Variants in TSPEAR observed in about 807,000 individuals in gnomAD.
TSPEAR encodes thrombospondin-type laminin G domain and EAR repeat-containing protein.
In TSPEAR, 69 loss-of-function variants were observed where a neutral mutation model predicts 71.6. That is an observed-to-expected ratio of 0.96 (90% confidence interval 0.79 to 1.18). The LOEUF (loss-of-function observed/expected upper bound fraction) is 1.18, where lower values mean the gene tolerates loss of function less well. Ranked by LOEUF, TSPEAR falls within the 50% of genes most tolerant of loss-of-function variation. The probability of loss-of-function intolerance (pLI) is 0.00; values close to 1 mark genes in which losing one functional copy is unlikely to be tolerated. For missense variants in TSPEAR, 971 were observed against 894.9 expected (o/e 1.09, Z -1.09); for synonymous variants, 402 against 387.2 (o/e 1.04, Z -0.45).
intron 1 of TSPEAR, among the ~76,000 whole-genome samples, chr21:44,661,829 T>C (rs1555943696): frequency 6.6e-6 from 1 of 152,096 alleles, no homozygotes; most frequent in Non-Finnish European, 1.5e-5. Flanking sequence ...ACTCACTCAC[T>C]GTCGCAAGGA....
chr21:44,523,558 AAGTC>A (rs587650669), intron 8 of TSPEAR, among the ~76,000 whole-genome samples: 41 of 151,010 alleles, frequency 2.7e-4, no homozygotes, highest in East Asian at 1.8e-3. Context: ...GTCAGTCAGT[AAGTC>A]AGTCAGTTAG....
chr21:44,652,128 T>C (rs1984840536), intron 1 of TSPEAR, among the ~76,000 whole-genome samples: 1 of 151,948 alleles, frequency 6.6e-6, no homozygotes, highest in Non-Finnish European at 1.5e-5. Context: ...GGAGTACAGG[T>C]GCCTGCCACC....
chr21:44,705,278 G>T (rs751689457), intron 1 of TSPEAR, among the ~76,000 whole-genome samples: 1 of 152,150 alleles, frequency 6.6e-6, no homozygotes, highest in Non-Finnish European at 1.5e-5. Context: ...GTTGAGGAGG[G>T]TGTATATCAT....
At chr21:44,636,797 G>C (rs1983598645) in intron 1 of TSPEAR, among the ~76,000 whole-genome samples, 1 of 152,134 alleles carries the variant, frequency 6.6e-6, no homozygotes, top group Non-Finnish European at 1.5e-5. Flanking sequence ...CCCAAACCTT[G>C]TCCTCCTAAT....
intron 1 of TSPEAR, among the ~76,000 whole-genome samples, chr21:44,683,078 A>G (rs1383518665): frequency 6.6e-6 from 1 of 152,058 alleles, no homozygotes; most frequent in Non-Finnish European, 1.5e-5. Context: ...CCGGCACCAA[A>G]TGAGTAAGGA....
chr21:44,544,895 G>A (rs2053276432), intron 2 of TSPEAR, among the ~76,000 whole-genome samples: 1 of 151,926 alleles, frequency 6.6e-6, no homozygotes, highest in African/African-American at 2.4e-5. Context: ...TATACCAATT[G>A]TAAATATATA....
Position 44,523,907 on chromosome 21 carries a change from G to A in TSPEAR, c.1336+1746C>T, listed in dbSNP as rs587620813. 3.3e-5 allele frequency among the ~76,000 whole-genome samples: 5 copies of A among 151,048 alleles called. No individual in the cohort carries two copies. The East Asian group carries it at 9.8e-4, about 30-fold the overall frequency. ...ATGAGTCAGGTTATTAATCAGTCAG[G>A]TAGTTTGTCAGTCAGTCAGTCAATT... On this transcript the variant is annotated intron_variant, in intron 8 of 11. Transcript: ENST00000323084.
chr21:44,684,187 A>C (rs1363835750), intron 1 of TSPEAR, among the ~76,000 whole-genome samples: 1 of 152,244 alleles, frequency 6.6e-6, no homozygotes, highest in African/African-American at 2.4e-5. Flanking sequence ...AATGCTGAGC[A>C]ACAATAACTG....
rs1392525501 is a variant in TSPEAR, at chr21:44,623,021, C to G, written c.83-55016G>C. 6.6e-6 allele frequency among the ~76,000 whole-genome samples: 1 copy of G among 152,170 alleles called. No individual in the cohort carries two copies. The highest frequency in any genetic ancestry group is 1.5e-5 in the Non-Finnish European group (1 of 68,034). On this transcript the variant is annotated intron_variant, in intron 1 of 11. Coordinates refer to ENST00000323084, the MANE Select transcript of TSPEAR (RefSeq NM_144991.3). The surrounding 1 kb of genome is among the most constrained non-coding windows in gnomAD (Gnocchi z 4.5). ...TTTGCCATGTGACATGCCCACTCCC[C>G]CTTCACCTTCCACCATGAGCAAAGC...
chr21:44,554,056 G>A (rs137922359), intron 2 of TSPEAR, among the ~76,000 whole-genome samples: 1 of 152,340 alleles, frequency 6.6e-6, no homozygotes, highest in African/African-American at 2.4e-5. Flanking sequence ...CAAAGTGATT[G>A]TTATGGATGG....
At chr21:44,673,905 C>CAAAA (rs57778899) in intron 1 of TSPEAR, among the ~76,000 whole-genome samples, 10 of 149,768 alleles carry the variant, frequency 6.7e-5, no homozygotes, top group African/African-American at 2.5e-4. Flanking sequence ...AAAAATTTCT[C>CAAAA]AAAAAAAAAT....
intron 1 of TSPEAR, chr21:44,638,112 G>T (rs782002258): frequency 1.9e-6 from 3 of 1,613,098 alleles, no homozygotes; most frequent in Admixed American, 3.3e-5. Flanking sequence ...CTCCTCTGCC[G>T]CCCCGTGTGC....
rs1305503968 is a variant in TSPEAR at position 44,546,211 on chromosome 21, G to A, written c.304-12288C>T. 6.6e-6 allele frequency among the ~76,000 whole-genome samples: 1 copy of A among 152,134 alleles called. No homozygotes were observed. The highest frequency in any genetic ancestry group is 1.5e-5 in the Non-Finnish European group (1 of 68,036). On this transcript the variant is annotated intron_variant, in intron 2 of 11. Coordinates refer to ENST00000323084, the MANE Select transcript of TSPEAR (RefSeq NM_144991.3). The surrounding 1 kb of genome is among the most constrained non-coding windows in gnomAD (Gnocchi z 4.4). ...AATTCTTATAAACACACAAACTACC[G>A]ACATGGCTACCTTTCCTTCATATGG... is the stretch of plus-strand genomic sequence containing the variant.
Position 44,607,609 on chromosome 21 carries a change from C to T in TSPEAR, c.83-39604G>A, listed in dbSNP as rs587749981. On this transcript the variant is annotated intron_variant, in intron 1 of 11. Coordinates refer to ENST00000323084, the MANE Select transcript of TSPEAR (RefSeq NM_144991.3). ...CACATAAGAGAGTAAATTAGTAAAT[C>T]GGATTTTACTACAATTAAGAGCGTC... 3.3e-5 allele frequency among the ~76,000 whole-genome samples: 5 copies of T among 152,270 alleles called. No individual in the cohort carries two copies. The East Asian group carries it at 7.7e-4, about 23-fold the overall frequency.
In TSPEAR at chr21:44,515,235, C is replaced by T. The variant is rs587632055; in HGVS notation, c.1567-5849G>A. ...AATGTTGGCAAAACATGAAAGTGGG[C>T]TTTGTGAGTTTTGAGGAATTACTGA... On this transcript the variant is annotated intron_variant, in intron 9 of 11. Coordinates refer to ENST00000323084, the MANE Select transcript of TSPEAR (RefSeq NM_144991.3). Among the ~76,000 whole-genome samples the T allele has an allele frequency of 2.0e-5, 3 of 152,360 alleles. No homozygotes were observed. In the South Asian group the frequency reaches 6.2e-4, roughly 32 times the overall value.
intron 1 of TSPEAR, among the ~76,000 whole-genome samples, chr21:44,606,333 C>T (rs1193724225): frequency 6.6e-6 from 1 of 152,190 alleles, no homozygotes; most frequent in Non-Finnish European, 1.5e-5. Flanking sequence ...CATCACCTCA[C>T]ACTTGTCAGA....
chr21:44,659,142 A>C (rs1985344003), intron 1 of TSPEAR, among the ~76,000 whole-genome samples: 1 of 152,156 alleles, frequency 6.6e-6, no homozygotes, highest in Non-Finnish European at 1.5e-5. Context: ...GCTCCAGCCT[A>C]GCAGGCACAG....
At chr21:44,652,074 C>T (rs1984835371) in intron 1 of TSPEAR, among the ~76,000 whole-genome samples, 1 of 151,050 alleles carries the variant, frequency 6.6e-6, no homozygotes, top group Non-Finnish European at 1.5e-5. Context: ...AGGTCCGCCT[C>T]CCGCGTTCAC....
intron 1 of TSPEAR, chr21:44,666,546 A>G (rs1200964639): frequency 6.2e-7 from 1 of 1,612,994 alleles, no homozygotes; most frequent in Non-Finnish European, 8.5e-7. Context: ...AGCCGCATAC[A>G]CGACAGGCCT....
Sources: allele counts gnomAD v4.1 joint callset (sites outside exome capture counted in the v4.1 genomes callset), GRCh38; gene constraint gnomAD v4.1.1; non-coding constraint Gnocchi (gnomAD v3.1); transcripts MANE v1.5; gene names NCBI Gene and HGNC (gene_info 2026-07-23, HGNC 2026-07-21).